RALA: variants seen among roughly 807,000 people sequenced by gnomAD.
The protein encoded by RALA is ras-related protein Ral-A.
A neutral mutation model predicts 24.0 loss-of-function variants in RALA; 5 were observed. The observed-to-expected ratio is 0.21, with a 90% CI of 0.11 to 0.44. The LOEUF (loss-of-function observed/expected upper bound fraction) is 0.44, where lower values mean the gene tolerates loss of function less well. Ranked by LOEUF, RALA falls within the 20% of genes least tolerant of loss-of-function variation. The probability of loss-of-function intolerance (pLI) is 0.99; values close to 1 mark genes in which losing one functional copy is unlikely to be tolerated. For missense variants in RALA, 95 were observed against 241.2 expected (o/e 0.39, Z 4.01); for synonymous variants, 77 against 83.8 (o/e 0.92, Z 0.44).
intron 1 of RALA, among the ~76,000 whole-genome samples, chr7:39,659,533 C>T (rs1792150205): frequency 6.6e-6 from 1 of 152,072 alleles, no homozygotes; most frequent in African/African-American, 2.4e-5. Flanking sequence ...TCGTTATTAA[C>T]TTAATTATGA....
chr7:39,660,796 T>C (rs1054878387), intron 1 of RALA, among the ~76,000 whole-genome samples: 1 of 152,198 alleles, frequency 6.6e-6, no homozygotes, highest in Admixed American at 6.5e-5. Context: ...GATAGGTATA[T>C]CATGAATGCA....
intron 1 of RALA, among the ~76,000 whole-genome samples, chr7:39,681,637 C>T (rs1185783293): frequency 2.0e-5 from 3 of 152,098 alleles, no homozygotes; most frequent in Non-Finnish European, 4.4e-5. Flanking sequence ...TACTAGATCT[C>T]CTGCTGAACT....
chr7:39,706,097 AT>A, intron 4 of RALA, 25 bp from the exon 5 acceptor site: 1 of 1,579,470 alleles, frequency 6.3e-7, no homozygotes, highest in Non-Finnish European at 8.6e-7. Flanking sequence ...TGTTTGCTTT[AT>A]TTATCCTATT....
chr7:39,683,092 T>G (rs991860436), intron 1 of RALA, among the ~76,000 whole-genome samples: 2 of 152,228 alleles, frequency 1.3e-5, no homozygotes. Context: ...TGCCATGTGA[T>G]GCCTTCCACC....
chr7:39,669,738 T>C (rs1792349278), intron 1 of RALA, among the ~76,000 whole-genome samples: 1 of 151,246 alleles, frequency 6.6e-6, no homozygotes, highest in Non-Finnish European at 1.5e-5. Flanking sequence ...CCCAGGAGTT[T>C]AGGGCTGTAG....
chr7:39,630,241 G>A (rs1791572232), intron 1 of RALA, among the ~76,000 whole-genome samples: 1 of 134,328 alleles, frequency 7.4e-6, no homozygotes, highest in African/African-American at 2.8e-5. Context: ...TTGTCAAGAT[G>A]GGGTTTTAAC....
In RALA at chr7:39,707,613, T is replaced by TC. The variant is rs398111266; in HGVS notation, c.*1370dup. 7 of 152,284 alleles carry TC rather than the reference T, an allele frequency of 4.6e-5. No homozygotes were observed. The highest frequency in any genetic ancestry group is 3.9e-4 in the Admixed American group (6 of 15,276). The allele number at this position is 152,284 out of a possible 1,614,324, so 9.4% of individuals were successfully genotyped here. A position where few individuals can be genotyped will look rare whatever the true frequency, so the allele number is the denominator to read the frequency against. On this transcript the variant is annotated 3_prime_UTR_variant, in exon 5 of 5. Coordinates refer to ENST00000005257, the MANE Select transcript of RALA (RefSeq NM_005402.4). Reference sequence around the variant, plus strand: ...ATGCCACTGACCGATTTTTTTTTTTTCCTCTTTGCAGTGGGGCTAGGACAG... The same window carrying TC: ...ATGCCACTGACCGATTTTTTTTTTTTCCCTCTTTGCAGTGGGGCTAGGACAG...
intron 2 of RALA, among the ~76,000 whole-genome samples, chr7:39,687,087 G>A (rs1792717827): frequency 6.6e-6 from 1 of 152,102 alleles, no homozygotes; most frequent in East Asian, 1.9e-4. Context: ...ATTAATAGAA[G>A]TGGTGTGTAT....
At chr7:39,668,332 G>A (rs1220304290) in intron 1 of RALA, among the ~76,000 whole-genome samples, 1 of 152,174 alleles carries the variant, frequency 6.6e-6, no homozygotes, top group Non-Finnish European at 1.5e-5. Flanking sequence ...ATTTCTTAGA[G>A]TCTATCTCAT....
chr7:39,702,792 A>G (rs1171913549), intron 4 of RALA, among the ~76,000 whole-genome samples: 1 of 152,258 alleles, frequency 6.6e-6, no homozygotes, highest in African/African-American at 2.4e-5. Flanking sequence ...ATTCATATGT[A>G]AAAGCTTAGA....
At chr7:39,691,691 A>G (rs1324902703) in intron 3 of RALA, among the ~76,000 whole-genome samples, 1 of 152,242 alleles carries the variant, frequency 6.6e-6, no homozygotes, top group Non-Finnish European at 1.5e-5. Context: ...CTTTGCAAAA[A>G]GCAGGTAATT....
intron 1 of RALA, among the ~76,000 whole-genome samples, chr7:39,668,808 A>G (rs1246914994): frequency 6.6e-6 from 1 of 151,306 alleles, no homozygotes; most frequent in Non-Finnish European, 1.5e-5. Flanking sequence ...AAAAAAAAAA[A>G]AAAAAGAAAA....
At chr7:39,635,671 A>G (rs1791674656) in intron 1 of RALA, among the ~76,000 whole-genome samples, 1 of 152,144 alleles carries the variant, frequency 6.6e-6, no homozygotes, top group Non-Finnish European at 1.5e-5. Flanking sequence ...TCCACTTCAA[A>G]TCATCAGGCA....
intron 1 of RALA, among the ~76,000 whole-genome samples, chr7:39,670,454 A>C (rs1331028566): frequency 6.6e-6 from 1 of 152,172 alleles, no homozygotes. Flanking sequence ...GCTGAACATT[A>C]TTTCTTTATT....
chr7:39,650,478 G>T (rs950520926), intron 1 of RALA, among the ~76,000 whole-genome samples: 1 of 152,102 alleles, frequency 6.6e-6, no homozygotes, highest in African/African-American at 2.4e-5. Flanking sequence ...TGGGAGAGGG[G>T]AAGAAATAGG....
chr7:39,661,433 A>C (rs967278311), intron 1 of RALA, among the ~76,000 whole-genome samples: 4 of 152,234 alleles, frequency 2.6e-5, no homozygotes, highest in Non-Finnish European at 5.9e-5. Context: ...AATCAAAAGC[A>C]AGTTAGTTAC....
chr7:39,697,971 GTGTA>G (rs1554298434), intron 4 of RALA, among the ~76,000 whole-genome samples: 44 of 149,346 alleles, frequency 2.9e-4, no homozygotes, highest in African/African-American at 1.1e-3. Flanking sequence ...GTGTGTGTGT[GTGTA>G]TGTGTGTGTA....
At chr7:39,624,947 A>G (rs908203345) in intron 1 of RALA, among the ~76,000 whole-genome samples, 11 of 152,170 alleles carry the variant, frequency 7.2e-5, no homozygotes, top group African/African-American at 2.7e-4. Context: ...TGGTAATACA[A>G]TATTATTCTA....
At chr7:39,626,315 A>G (rs1477672194) in intron 1 of RALA, among the ~76,000 whole-genome samples, 2 of 152,224 alleles carry the variant, frequency 1.3e-5, no homozygotes, top group African/African-American at 2.4e-5. Context: ...ATACTTTATT[A>G]AGGTAAATTG....
Sources: gnomAD v4.1 joint callset for allele counts (sites outside exome capture counted in the v4.1 genomes callset) on GRCh38, gnomAD v4.1.1 for gene constraint, MANE v1.5 for transcripts, NCBI Gene and HGNC (gene_info 2026-07-23, HGNC 2026-07-21) for gene names.